The following SEMA4A variants were observed in gnomAD, a reference collection of about 807,000 sequenced individuals.
The protein encoded by SEMA4A is semaphorin-4A.
SEMA4A carries 52 observed loss-of-function variants against 72.5 expected under a neutral mutation model. The observed-to-expected ratio is 0.72, with a 90% CI of 0.57 to 0.90. The LOEUF (loss-of-function observed/expected upper bound fraction) is 0.90, where lower values mean the gene tolerates loss of function less well. SEMA4A is among the 40% of genes least tolerant of loss of function. The probability of loss-of-function intolerance (pLI) is 0.00; values close to 1 mark genes in which losing one functional copy is unlikely to be tolerated. For missense variants in SEMA4A, 926 were observed against 959.7 expected (o/e 0.96, Z 0.46); for synonymous variants, 369 against 393.1 (o/e 0.94, Z 0.73).
Position 156,177,046 on chromosome 1 carries a change from C to T in SEMA4A, c.*49C>T. The T allele has an allele frequency of 6.5e-7, 1 of 1,548,300 alleles. No individual in the cohort carries two copies. The highest frequency in any genetic ancestry group is 8.8e-7 in the Non-Finnish European group (1 of 1,134,370). On this transcript the variant is annotated 3_prime_UTR_variant, in exon 15 of 15. Transcript: ENST00000368285. ...CGGTGCAGGCACCTGGCCATGCTGG[C>T]TGGGCGGCCCAAGCACAGCCCTGAC...
upstream of SEMA4A, among the ~76,000 whole-genome samples, chr1:156,151,403 C>A (rs1433340963): frequency 6.6e-6 from 1 of 152,230 alleles, no homozygotes; most frequent in African/African-American, 2.4e-5. Context: ...CTGCTGGGGG[C>A]AGGGTGCCCT....
chr1:156,153,156 A>G (rs1652685975), upstream of SEMA4A, among the ~76,000 whole-genome samples: 1 of 152,158 alleles, frequency 6.6e-6, no homozygotes, highest in Non-Finnish European at 1.5e-5. Flanking sequence ...CATGGATAAG[A>G]GCCTAATACA....
chr1:156,160,160 A>G (rs1186174423), intron 6 of SEMA4A, among the ~76,000 whole-genome samples: 1 of 152,094 alleles, frequency 6.6e-6, no homozygotes, highest in Non-Finnish European at 1.5e-5. Flanking sequence ...TCTACTTGGC[A>G]AGTGGTTCAG....
At chr1:156,173,916 C>T (rs1655054657) in intron 11 of SEMA4A, among the ~76,000 whole-genome samples, 1 of 152,026 alleles carries the variant, frequency 6.6e-6, no homozygotes, top group Non-Finnish European at 1.5e-5. Context: ...TCGAGACCAG[C>T]CTGGCCAACA....
chr1:156,170,486 G>C (rs575644553), intron 10 of SEMA4A, among the ~76,000 whole-genome samples: 1 of 136,510 alleles, frequency 7.3e-6, no homozygotes, highest in Non-Finnish European at 1.6e-5. Context: ...AAAAAAAAAG[G>C]CCAGGCGCTT....
chr1:156,177,209 GCTCT>G lies in SEMA4A; in HGVS notation c.*215_*218del, dbSNP rs1655443406. The G allele has an allele frequency of 3.2e-6, 2 of 634,878 alleles. No homozygotes were observed. The allele number at this position is 634,878 out of a possible 1,614,324, so 39.3% of individuals were successfully genotyped here. ...GGACTCCCTTCTACCAAGCACATGA[GCTCT>G]CTAACAGGGTGGGGGCTACCCCCAG... is the stretch of plus-strand genomic sequence containing the variant. On this transcript the variant is annotated 3_prime_UTR_variant, in exon 15 of 15. Coordinates refer to ENST00000368285, the MANE Select transcript of SEMA4A (RefSeq NM_022367.4).
Position 156,177,353 on chromosome 1 carries a change from AG to A in SEMA4A, c.*358del. On this transcript the variant is annotated 3_prime_UTR_variant, in exon 15 of 15. Coordinates refer to ENST00000368285, the MANE Select transcript of SEMA4A (RefSeq NM_022367.4). ...AGACCCTAAAAAACCTGCCTGTCCCAGGACCCTATGGTAATGAACACCAAAC... is the reference window on the plus strand; with the variant it reads ...AGACCCTAAAAAACCTGCCTGTCCCAGACCCTATGGTAATGAACACCAAAC... 1 of 390,332 alleles carries A rather than the reference AG, an allele frequency of 2.6e-6. No individual in the cohort carries two copies. 24.2% of individuals were successfully genotyped at this position (390,332 alleles called of 1,614,324 possible).
chr1:156,154,962 C>T (rs1225079904), intron 2 of SEMA4A: 16 of 557,682 alleles, frequency 2.9e-5, no homozygotes, highest in Admixed American at 6.5e-5. Flanking sequence ...GCCAGGGGCA[C>T]GCTTCTTCCA....
At chr1:156,158,175 T>C (rs772778584) in intron 4 of SEMA4A, 43 bp downstream of exon 4, 2 of 1,602,786 alleles carry the variant, frequency 1.2e-6, no homozygotes, top group Admixed American at 3.4e-5. Context: ...GGTAGAGAGC[T>C]CTGGCATCCC....
chr1:156,154,801 G>C, intron 2 of SEMA4A, 84 bp downstream of exon 2: 2 of 1,474,032 alleles, frequency 1.4e-6, no homozygotes, highest in Non-Finnish European at 1.8e-6. Flanking sequence ...CAGAGGAGGG[G>C]AGGAAATGGA....
intron 2 of SEMA4A, 94 bp from the exon 3 acceptor site, chr1:156,156,320 C>A: frequency 4.8e-6 from 6 of 1,248,862 alleles, no homozygotes; most frequent in Non-Finnish European, 7.0e-6. Flanking sequence ...GGAGCACACT[C>A]AGGCAACCCT....
intron 6 of SEMA4A, 71 bp downstream of exon 6, chr1:156,158,895 A>T (rs1389209171): frequency 2.2e-6 from 3 of 1,356,220 alleles, no homozygotes; most frequent in African/African-American, 2.9e-5. Context: ...ATGGAATATT[A>T]CAGAGTTTTC....
chr1:156,161,154 G>T, intron 8 of SEMA4A, 125 bp downstream of exon 8: 1 of 616,030 alleles, frequency 1.6e-6, no homozygotes, highest in East Asian at 3.4e-5. Flanking sequence ...AGCGGGCCTG[G>T]CGGGGTGGGG....
chr1:156,161,304 C>CGG lies in SEMA4A; in HGVS notation c.811-39_811-38dup. The CGG allele has an allele frequency of 1.3e-5, 9 of 689,368 alleles. 2 individuals are homozygous for CGG. Among genetic ancestry groups the CGG allele is most frequent in the Non-Finnish European group, 1.8e-5 (9 of 487,020 alleles). The allele number at this position is 689,368 out of a possible 1,614,324, so 42.7% of individuals were successfully genotyped here. On this transcript the variant is annotated intron_variant, in intron 8 of 14. Transcript: ENST00000368285. ...GGGAGGACACGCGGGGCTGGGGGGT[C>CGG]GGGGCGCCCGGGGCGCCCCCTGACT...
intron 9 of SEMA4A, among the ~76,000 whole-genome samples, chr1:156,162,130 G>A (rs1413717798): frequency 3.3e-5 from 5 of 152,296 alleles, no homozygotes; most frequent in Admixed American, 2.0e-4. Context: ...GTGTGGTGGC[G>A]CATGCCTGTA....
At position 156,158,707 on chromosome 1, in the gene SEMA4A, CT is replaced by C. The variant is rs748947990; in HGVS notation, c.463-11del. ...TTGGCGTTCTGGCCCCCCAGCCTCTCTCCCCATTTAGGAACTTCAAGATTCC... is the reference window on the plus strand; with the variant it reads ...TTGGCGTTCTGGCCCCCCAGCCTCTCCCCCATTTAGGAACTTCAAGATTCC... On this transcript the variant is annotated splice_polypyrimidine_tract_variant and intron_variant, in intron 5 of 14. Coordinates refer to ENST00000368285, the MANE Select transcript of SEMA4A (RefSeq NM_022367.4). The C allele has an allele frequency of 1.2e-6, 2 of 1,605,068 alleles. No homozygotes were observed. The highest frequency in any genetic ancestry group is 3.3e-5 in the Admixed American group (2 of 59,998).
At chr1:156,151,130 C>T (rs1056782511), upstream of SEMA4A, among the ~76,000 whole-genome samples, 3 of 152,220 alleles carry the variant, frequency 2.0e-5, no homozygotes, top group African/African-American at 7.2e-5. Flanking sequence ...TTCTTTGATG[C>T]TGTGTGCAGG....
rs554765573 is a variant in SEMA4A, at chr1:156,162,969, G to T, written c.1009G>T (p.Ala337Ser). 2.5e-6 allele frequency: 4 copies of T among 1,614,006 alleles called. No homozygotes were observed. In the South Asian group the frequency reaches 3.3e-5, roughly 13 times the overall value. Residue 337 changes from alanine to serine, a missense_variant, in exon 10 of 15, where the codon GCG (alanine) becomes TCG (serine). Ala to Ser is a moderately conservative substitution (Grantham distance 99). Transcript: ENST00000368285. ...GCAGGTTGGCGGGACCAGGAGCTCT[G>T]CGGTTTGTGCCTTCTCTCTCTTGGA... Reference protein sequence around the residue: ...QWQVGGTRSSAVCAFSLLDIE... With the variant: ...QWQVGGTRSSSVCAFSLLDIE...
Position 156,172,748 on chromosome 1 carries a change from G to T in SEMA4A, c.1135-78G>T, listed in dbSNP as rs968272636. On this transcript the variant is annotated intron_variant, in intron 10 of 14. Coordinates refer to ENST00000368285, the MANE Select transcript of SEMA4A (RefSeq NM_022367.4). The stretch of plus-strand genomic sequence containing the variant: ...ACTGCCATGAGGGAGGGGGTAAAGG[G>T]AGAAGAGCAGGCGTTGGAGGGAGGG... The T allele has an allele frequency of 1.1e-5, 15 of 1,330,338 alleles. No individual in the cohort carries two copies. The African/African-American group carries it at 1.4e-4, about 13-fold the overall frequency. 82.4% of individuals were successfully genotyped at this position (1,330,338 alleles called of 1,614,324 possible). A position where few individuals can be genotyped will look rare whatever the true frequency, so the allele number is the denominator to read the frequency against.
Sources: gnomAD v4.1 joint callset for allele counts (sites outside exome capture counted in the v4.1 genomes callset) on GRCh38, gnomAD v4.1.1 for gene constraint, MANE v1.5 for transcripts, NCBI Gene and HGNC (gene_info 2026-07-23, HGNC 2026-07-21) for gene names.